Variants in MPDZ observed in about 807,000 individuals in gnomAD.
MPDZ encodes the protein multiple PDZ domain crumbs cell polarity complex component, also known as multiple PDZ domain protein.
In MPDZ, 234 loss-of-function variants were observed where a neutral mutation model predicts 239.1. The ratio of observed to expected loss-of-function variants is 0.98; its 90% CI spans 0.88 to 1.09. MPDZ has a LOEUF of 1.09. Ranked by LOEUF, MPDZ falls within the 50% of genes least tolerant of loss-of-function variation. MPDZ has a pLI of 0.00. For synonymous variants in MPDZ, 1,048 were observed against 881.3 expected (o/e 1.19, Z -3.35); for missense variants, 3,175 against 2,510.0 (o/e 1.26, Z -5.66).
intron 46 of MPDZ, 102 bp from the exon 47 acceptor site, chr9:13,107,213 C>A (rs1329740500): frequency 4.1e-6 from 5 of 1,222,176 alleles, no homozygotes; most frequent in East Asian, 2.4e-5. Context: ...TCTGCTTGTA[C>A]ACACACACTG....
rs1949420938 is a variant in MPDZ at position 13,153,241 on chromosome 9, T to C, written c.3453-2553A>G. Among the ~76,000 whole-genome samples the C allele has an allele frequency of 2.0e-5, 3 of 152,110 alleles. No individual in the cohort carries two copies. The South Asian group carries it at 6.2e-4, about 32-fold the overall frequency. On this transcript the variant is annotated intron_variant, in intron 24 of 46. Coordinates refer to ENST00000319217, the MANE Select transcript of MPDZ (RefSeq NM_001378778.1). ...AGCAGACACTGAGGCACATCTTCCT[T>C]TGGCCAGTAACTCTTTTTCTTGACT...
In MPDZ at chr9:13,247,727, C is replaced by G. The variant is rs1455520567; in HGVS notation, c.91G>C (p.Asp31His). 1 of 1,613,572 alleles carries G rather than the reference C, an allele frequency of 6.2e-7. No individual in the cohort carries two copies. The change falls in exon 3 of 47, where the codon GAC (aspartate) becomes CAC (histidine). Residue 31 changes from aspartate to histidine, a missense_variant. Asp to His is a moderately conservative substitution (Grantham distance 81). Transcript: ENST00000319217. ...ACTGACTTCAGAAGGCTCAGTTTGT[C>G]TTCATTTGCTACATCCCCACGTTCT... ...LRERGDVANE[D>H]KLSLLKSVLQ... is the part of the protein sequence containing the mutation.
intron 3 of MPDZ, among the ~76,000 whole-genome samples, chr9:13,230,179 C>G (rs1961951196): frequency 6.6e-6 from 1 of 152,068 alleles, no homozygotes; most frequent in Admixed American, 6.6e-5. Context: ...TGTAGAGAAG[C>G]TGGATTGCTC....
At chr9:13,157,632 A>AACACAC (rs60566356) in intron 24 of MPDZ, among the ~76,000 whole-genome samples, 2 of 149,596 alleles carry the variant, frequency 1.3e-5, no homozygotes, top group African/African-American at 4.9e-5. Flanking sequence ...TTTACACACA[A>AACACAC]ACACACACAC....
At chr9:13,128,003 C>T (rs1490999896) in intron 32 of MPDZ, among the ~76,000 whole-genome samples, 2 of 152,066 alleles carry the variant, frequency 1.3e-5, no homozygotes, top group Non-Finnish European at 2.9e-5. Flanking sequence ...TGATTGTTTA[C>T]CTAATACTGC....
At chr9:13,142,931 C>T (rs1587188459) in intron 27 of MPDZ, among the ~76,000 whole-genome samples, 2 of 151,932 alleles carry the variant, frequency 1.3e-5, no homozygotes, top group African/African-American at 4.8e-5. Flanking sequence ...ATGAGAAGAT[C>T]CAAGTATAGA....
chr9:13,194,542 G>A (rs546715745), intron 13 of MPDZ, among the ~76,000 whole-genome samples: 20 of 152,098 alleles, frequency 1.3e-4, no homozygotes, highest in African/African-American at 4.8e-4. Flanking sequence ...ACTAGGGCCT[G>A]TAGGGTGGTG....
chr9:13,182,447 T>C lies in MPDZ; in HGVS notation c.2649+971A>G, dbSNP rs527941897. 2.6e-3 allele frequency among the ~76,000 whole-genome samples: 402 copies of C among 152,268 alleles called. 1 individual carries two copies. Among genetic ancestry groups the C allele is most frequent in the Middle Eastern group, 0.017 (5 of 294 alleles). On this transcript the variant is annotated intron_variant, in intron 19 of 46. Transcript: ENST00000319217. ...TCCTTTTTTCTCCAAGGATAACTTC[T>C]TTTTTGAAGTTGAGAAGTATCCTGC...
chr9:13,243,119 G>A (rs1965802155), intron 3 of MPDZ, among the ~76,000 whole-genome samples: 1 of 152,060 alleles, frequency 6.6e-6, no homozygotes, highest in Admixed American at 6.6e-5. Context: ...TCTAGTAAAA[G>A]TTACTCATTC....
chr9:13,246,140 T>G (rs1045780321), intron 3 of MPDZ, among the ~76,000 whole-genome samples: 6 of 152,300 alleles, frequency 3.9e-5, no homozygotes, highest in Admixed American at 2.6e-4. Flanking sequence ...CAATCCATTC[T>G]GAAAACCAGT....
intron 3 of MPDZ, among the ~76,000 whole-genome samples, chr9:13,230,626 G>A (rs925399354): frequency 3.9e-5 from 6 of 152,082 alleles, no homozygotes; most frequent in Non-Finnish European, 8.8e-5. Context: ...ATGTAAGAAA[G>A]TGGTTAAATA....
At position 13,122,451 on chromosome 9, in the gene MPDZ, T is replaced by C. The variant is rs1013225939; in HGVS notation, c.4954-281A>G. On this transcript the variant is annotated intron_variant, in intron 36 of 46. Coordinates refer to ENST00000319217, the MANE Select transcript of MPDZ (RefSeq NM_001378778.1). ...AGATGAGAGATAACTTTCTTATCCA[T>C]AAATGAAATCACTTTTAAGGTATTT... Among the ~76,000 whole-genome samples the C allele has an allele frequency of 3.3e-5, 5 of 151,698 alleles. No homozygotes were observed. The East Asian group carries it at 9.7e-4, about 29-fold the overall frequency.
chr9:13,147,762 C>G (rs531528121), intron 25 of MPDZ, 104 bp from the exon 26 acceptor site: 7 of 774,698 alleles, frequency 9.0e-6, no homozygotes, highest in Admixed American at 2.6e-5. Context: ...CCTAGAAAAT[C>G]TGTTTTAATA....
At chr9:13,179,101 T>A (rs2134303956) in intron 19 of MPDZ, among the ~76,000 whole-genome samples, 1 of 152,228 alleles carries the variant, frequency 6.6e-6, no homozygotes, top group African/African-American at 2.4e-5. Flanking sequence ...TTATCAGATA[T>A]TCCTAGTACA....
intron 10 of MPDZ, among the ~76,000 whole-genome samples, chr9:13,215,361 A>T (rs1958165032): frequency 6.6e-6 from 1 of 151,410 alleles, no homozygotes; most frequent in South Asian, 2.1e-4. Flanking sequence ...TATATATATC[A>T]ATATGTGTGT....
chr9:13,234,474 A>G (rs1330688097), intron 3 of MPDZ, among the ~76,000 whole-genome samples: 1 of 152,084 alleles, frequency 6.6e-6, no homozygotes, highest in Non-Finnish European at 1.5e-5. Flanking sequence ...TTCATAAAGC[A>G]TTTTTTGGTA....
rs144585476 is a variant in MPDZ at position 13,242,994 on chromosome 9, G to A, written c.183+4641C>T. ...GCATAAAATAATCCTGTTGTGAACTGCTCTGTATCCCTGTAAACATTGCTC... is the reference window on the plus strand; with the variant it reads ...GCATAAAATAATCCTGTTGTGAACTACTCTGTATCCCTGTAAACATTGCTC... On this transcript the variant is annotated intron_variant, in intron 3 of 46. Coordinates refer to ENST00000319217, the MANE Select transcript of MPDZ (RefSeq NM_001378778.1). Among the ~76,000 whole-genome samples the A allele has an allele frequency of 3.0e-3, 452 of 152,256 alleles. 4 individuals are homozygous for A. The highest frequency in any genetic ancestry group is 4.9e-3 in the Non-Finnish European group (335 of 68,020).
intron 1 of MPDZ, among the ~76,000 whole-genome samples, chr9:13,254,709 C>T (rs1386139237): frequency 6.6e-6 from 1 of 152,158 alleles, no homozygotes; most frequent in African/African-American, 2.4e-5. Flanking sequence ...CATGTTTACA[C>T]TACACTGTAG....
chr9:13,152,439 C>G (rs1021559749), intron 24 of MPDZ, among the ~76,000 whole-genome samples: 1 of 152,212 alleles, frequency 6.6e-6, no homozygotes, highest in South Asian at 2.1e-4. Context: ...GTGAATAAGT[C>G]TCATGAGATC....
Sources: allele counts gnomAD v4.1 joint callset (sites outside exome capture counted in the v4.1 genomes callset), GRCh38; gene constraint gnomAD v4.1.1; transcripts MANE v1.5; gene names NCBI Gene and HGNC (gene_info 2026-07-23, HGNC 2026-07-21).